Variants in PDZD8 observed in about 807,000 individuals in gnomAD.
PDZD8 encodes the protein PDZ domain containing 8, also known as PDZ domain-containing protein 8.
In PDZD8, 14 loss-of-function variants were observed where a neutral mutation model predicts 85.8. That is an observed-to-expected ratio of 0.16 (90% CI 0.11 to 0.26). PDZD8 has a LOEUF of 0.26. Ranked by LOEUF, PDZD8 falls within the 10% of genes least tolerant of loss-of-function variation. PDZD8 has a pLI of 1.00. For synonymous variants in PDZD8, 592 were observed against 568.6 expected (o/e 1.04, Z -0.59); for missense variants, 1,197 against 1,424.3 (o/e 0.84, Z 2.57).
rs753492074 is a variant in PDZD8, at chr10:117,283,769, G to A, written c.2964C>T (p.Asn988=). The A allele has an allele frequency of 6.2e-7, 1 of 1,614,162 alleles. No homozygotes were observed. The highest frequency in any genetic ancestry group is 2.2e-5 in the East Asian group (1 of 44,878). Residue 988 remains asparagine, a synonymous_variant, in exon 5 of 5, where the codon AAC becomes AAT. Coordinates refer to ENST00000334464, the MANE Select transcript of PDZD8 (RefSeq NM_173791.5). ...EGSDTEVCGP[N]SPSKRGNSTG... is the part of the protein sequence containing the mutation. Reference sequence around the variant, plus strand: ...TGCTGTTTCCCCGTTTAGAAGGACTGTTTGGACCACAGACCTCCGTGTCAC... The same window carrying A: ...TGCTGTTTCCCCGTTTAGAAGGACTATTTGGACCACAGACCTCCGTGTCAC...
At position 117,280,189 on chromosome 10, in the gene PDZD8, T is replaced by C. The variant is rs1400913421; in HGVS notation, c.*3079A>G. 2 of 152,224 alleles carry C rather than the reference T, an allele frequency of 1.3e-5. No homozygotes were observed. The highest frequency in any genetic ancestry group is 4.8e-5 in the African/African-American group (2 of 41,464). The allele number at this position is 152,224 out of a possible 1,614,324, so 9.4% of individuals were successfully genotyped here. On this transcript the variant is annotated 3_prime_UTR_variant, in exon 5 of 5. Coordinates refer to ENST00000334464, the MANE Select transcript of PDZD8 (RefSeq NM_173791.5). The stretch of plus-strand genomic sequence containing the variant: ...TGATATGAAGAAGTATAGCCTATTA[T>C]GATTGCTAATAATGCTAAAATGTTG...
chr10:117,351,229 G>A (rs57112183), intron 1 of PDZD8, among the ~76,000 whole-genome samples: 2,069 of 152,152 alleles, frequency 0.014, 48 homozygotes, highest in African/African-American at 0.046. Flanking sequence ...GCATATATAA[G>A]AATATTCATA....
At position 117,285,410 on chromosome 10, in the gene PDZD8, G is replaced by A. The variant is rs1844644791; in HGVS notation, c.1323C>T (p.Val441=). The change falls in exon 5 of 5, where the codon GTC becomes GTT. Residue 441 remains valine, a synonymous_variant. Coordinates refer to ENST00000334464, the MANE Select transcript of PDZD8 (RefSeq NM_173791.5). ...CAACAGGCCTTTCATAGTACACCAGGACTCGGTCACCAGCCTGCTTGATAA... is the reference window on the plus strand; with the variant it reads ...CAACAGGCCTTTCATAGTACACCAGAACTCGGTCACCAGCCTGCTTGATAA... ...LKLIKQAGDR[V]LVYYERPVGQ... 6.2e-7 allele frequency: 1 copy of A among 1,613,320 alleles called. No homozygotes were observed. Among genetic ancestry groups the A allele is most frequent in the South Asian group, 1.1e-5 (1 of 91,062 alleles).
chr10:117,288,750 C>T (rs1172818161), intron 4 of PDZD8, among the ~76,000 whole-genome samples: 9 of 152,262 alleles, frequency 5.9e-5, no homozygotes, highest in African/African-American at 1.9e-4. Flanking sequence ...TCAGGTGATC[C>T]ACCCGCCTCG....
At chr10:117,333,335 C>A (rs1330439116) in intron 2 of PDZD8, among the ~76,000 whole-genome samples, 3 of 151,978 alleles carry the variant, frequency 2.0e-5, no homozygotes, top group African/African-American at 7.3e-5. Flanking sequence ...AAAGTACCTA[C>A]ATATTGCAGA....
rs1355918140 is a variant in PDZD8 at position 117,374,714 on chromosome 10, C to A, written c.514G>T (p.Gly172Trp). 1 of 1,607,582 alleles carries A rather than the reference C, an allele frequency of 6.2e-7. No individual in the cohort carries two copies. Among genetic ancestry groups the A allele is most frequent in the Non-Finnish European group, 8.5e-7 (1 of 1,177,730 alleles). The change falls in exon 1 of 5, where the codon GGG (glycine) becomes TGG (tryptophan). Residue 172 changes from glycine to tryptophan, a missense_variant. This residue lies in a region of PDZD8 where 344 missense variants were observed against 453.6 expected (regional missense o/e 0.76). Coordinates refer to ENST00000334464, the MANE Select transcript of PDZD8 (RefSeq NM_173791.5). The surrounding 1 kb of genome is among the most constrained non-coding windows in gnomAD (Gnocchi z 7.8). ...LVRPVVPSAT[G>W]EPDGPEGEAL... Reference sequence around the variant, plus strand: ...TCCCCTTCAGGGCCATCGGGCTCCCCGGTGGCCGAGGGCACGACTGGCCGC... The same window carrying A: ...TCCCCTTCAGGGCCATCGGGCTCCCAGGTGGCCGAGGGCACGACTGGCCGC...
Position 117,278,891 on chromosome 10 carries a change from C to T in PDZD8, c.*4377G>A, listed in dbSNP as rs1445687994. ...GGAAGATGGCTCTGGAGGAAACTCT[C>T]ATATGGCTAAAAAGGCAGGCTAGTT... On this transcript the variant is annotated 3_prime_UTR_variant, in exon 5 of 5. Coordinates refer to ENST00000334464, the MANE Select transcript of PDZD8 (RefSeq NM_173791.5). 1 of 152,194 alleles carries T rather than the reference C, an allele frequency of 6.6e-6. No homozygotes were observed. The highest frequency in any genetic ancestry group is 1.5e-5 in the Non-Finnish European group (1 of 68,036). The allele number at this position is 152,194 out of a possible 1,614,324, so 9.4% of individuals were successfully genotyped here.
chr10:117,337,722 T>C (rs1049766700), intron 2 of PDZD8, among the ~76,000 whole-genome samples: 9 of 152,200 alleles, frequency 5.9e-5, no homozygotes, highest in African/African-American at 1.7e-4. Flanking sequence ...AGGTATCCTA[T>C]GTGGTAGGCA....
chr10:117,285,546 A>G (rs771459920), intron 4 of PDZD8, 75 bp from the exon 5 acceptor site: 35 of 1,273,394 alleles, frequency 2.7e-5, no homozygotes, highest in Middle Eastern at 2.7e-4. Context: ...AATGTATTTA[A>G]TTAAATATAT....
chr10:117,302,529 G>T (rs1843863578), intron 3 of PDZD8, among the ~76,000 whole-genome samples: 3 of 152,140 alleles, frequency 2.0e-5, no homozygotes, highest in African/African-American at 7.2e-5. Flanking sequence ...AATCAGAAAA[G>T]TTCTTAAACT....
intron 2 of PDZD8, among the ~76,000 whole-genome samples, chr10:117,319,392 AACACACACAC>A (rs199983551): frequency 0.15 from 15,470 of 101,702 alleles, 1,042 homozygotes; most frequent in East Asian, 0.39. Context: ...ATTGCTCATA[AACACACACAC>A]ACACACACAC....
At chr10:117,365,169 C>A (rs1845066786) in intron 1 of PDZD8, among the ~76,000 whole-genome samples, 2 of 150,996 alleles carry the variant, frequency 1.3e-5, no homozygotes, top group African/African-American at 4.9e-5. Flanking sequence ...ACCATCTACA[C>A]AGAGATACAG....
intron 1 of PDZD8, among the ~76,000 whole-genome samples, chr10:117,357,287 TGGGAGGCTGA>T (rs1844911937): frequency 6.6e-6 from 1 of 151,922 alleles, no homozygotes; most frequent in South Asian, 2.1e-4. Context: ...CTCAGCTACT[TGGGAGGCTGA>T]AGCACGAGAA....
At chr10:117,367,807 G>A (rs1032549666) in intron 1 of PDZD8, among the ~76,000 whole-genome samples, 2 of 151,546 alleles carry the variant, frequency 1.3e-5, no homozygotes, top group African/African-American at 4.8e-5. Context: ...TGTGGCACAC[G>A]CCTGTGGGAG....
intron 3 of PDZD8, among the ~76,000 whole-genome samples, chr10:117,294,829 G>A (rs567616206): frequency 1.7e-4 from 26 of 152,260 alleles, no homozygotes; most frequent in Admixed American, 6.5e-5. Flanking sequence ...AGAAATAGAC[G>A]TAGAAGAGTG....
intron 2 of PDZD8, among the ~76,000 whole-genome samples, 155 bp from the exon 3 acceptor site, chr10:117,319,129 C>T (rs547025469): frequency 1.3e-5 from 2 of 152,054 alleles, no homozygotes; most frequent in Admixed American, 1.3e-4. Flanking sequence ...TTTATACACC[C>T]TCTAGTGGAA....
chr10:117,291,413 C>T (rs140028637), intron 3 of PDZD8, among the ~76,000 whole-genome samples: 1 of 151,684 alleles, frequency 6.6e-6, no homozygotes, highest in African/African-American at 2.4e-5. Flanking sequence ...CCTGTAGTCC[C>T]AGCTACTCGG....
chr10:117,374,349 A>G lies in PDZD8; in HGVS notation c.872+7T>C, dbSNP rs1355226351. ...CAGCCAGGCCCCCTCCCCGACCTCC[A>G]GCTCACCTGATCTTGTAATTCGGTA... is the stretch of plus-strand genomic sequence containing the variant. On this transcript the variant is annotated splice_region_variant and intron_variant, in intron 1 of 4. Coordinates refer to ENST00000334464, the MANE Select transcript of PDZD8 (RefSeq NM_173791.5). This position sits in a 1 kb window ranked among gnomAD's most constrained non-coding sequence, Gnocchi z 7.8. 8 of 1,610,862 alleles carry G rather than the reference A, an allele frequency of 5.0e-6. No homozygotes were observed. The highest frequency in any genetic ancestry group is 1.1e-5 in the South Asian group (1 of 90,980).
chr10:117,305,106 A>C (rs1282910550), intron 3 of PDZD8, among the ~76,000 whole-genome samples: 5 of 152,144 alleles, frequency 3.3e-5, no homozygotes, highest in Non-Finnish European at 7.3e-5. Flanking sequence ...ATATGGCAGC[A>C]ACTGTATAAT....
Sources: gnomAD v4.1 joint callset for allele counts (sites outside exome capture counted in the v4.1 genomes callset) on GRCh38, gnomAD v4.1.1 for gene constraint, gnomAD v4.1.1 regional missense constraint, Gnocchi (gnomAD v3.1) non-coding constraint, MANE v1.5 for transcripts, NCBI Gene and HGNC (gene_info 2026-07-23, HGNC 2026-07-21) for gene names.